OPCML: variants seen among roughly 807,000 people sequenced by gnomAD.
OPCML encodes the protein opioid-binding protein/cell adhesion molecule.
A neutral mutation model predicts 37.8 loss-of-function variants in OPCML; 13 were observed. That is an observed-to-expected ratio of 0.34 (90% CI 0.22 to 0.55). The LOEUF (loss-of-function observed/expected upper bound fraction) is 0.55, where lower values mean the gene tolerates loss of function less well. OPCML is among the 20% of genes least tolerant of loss of function. The pLI is 0.91. For missense variants in OPCML, 341 were observed against 435.6 expected (o/e 0.78, Z 1.93); for synonymous variants, 176 against 168.8 (o/e 1.04, Z -0.33).
At chr11:132,516,532 T>C (rs1278657735) in intron 4 of OPCML, among the ~76,000 whole-genome samples, 9 of 152,206 alleles carry the variant, frequency 5.9e-5, no homozygotes, top group Admixed American at 2.6e-4. Context: ...CTTCTGAATA[T>C]GTAAGCCCCA....
chr11:132,914,767 C>T (rs974661343), intron 2 of OPCML, among the ~76,000 whole-genome samples: 2 of 152,162 alleles, frequency 1.3e-5, no homozygotes, highest in African/African-American at 4.8e-5. Context: ...ATCCTCCAGG[C>T]AGTGTGAAAC....
chr11:133,140,763 CGAAGAAGAA>C (rs5795825), intron 1 of OPCML, among the ~76,000 whole-genome samples: 7 of 48,874 alleles, frequency 1.4e-4, no homozygotes, highest in African/African-American at 2.8e-4. Flanking sequence ...AAGAAGACGA[CGAAGAAGAA>C]GAAGAAGAAG....
chr11:133,490,917 C>A (rs11823416), intron 1 of OPCML, among the ~76,000 whole-genome samples: 30,621 of 152,142 alleles, frequency 0.2, 3,419 homozygotes, highest in Admixed American at 0.27. Flanking sequence ...AGAGTTTATT[C>A]TTTAACTGCC....
chr11:133,020,001 A>G (rs1308902184), intron 1 of OPCML, among the ~76,000 whole-genome samples: 1 of 152,226 alleles, frequency 6.6e-6, no homozygotes, highest in Non-Finnish European at 1.5e-5. Flanking sequence ...TCGAAGCAGC[A>G]CGGCTGTGTT....
chr11:132,985,994 A>G (rs78767085), intron 1 of OPCML, among the ~76,000 whole-genome samples: 2,912 of 152,304 alleles, frequency 0.019, 107 homozygotes, highest in African/African-American at 0.066. Flanking sequence ...TGTATCATAC[A>G]TCAGCCTGTT....
intron 1 of OPCML, among the ~76,000 whole-genome samples, chr11:133,279,077 T>TA (rs1372772309): frequency 1.3e-5 from 2 of 152,170 alleles, no homozygotes; most frequent in Admixed American, 1.3e-4. Context: ...ACCTTGCCAC[T>TA]AGTAGTCCAC....
chr11:132,991,776 G>A lies in OPCML; in HGVS notation c.62-48766C>T, dbSNP rs1038301046. Among the ~76,000 whole-genome samples the A allele has an allele frequency of 1.6e-4, 25 of 152,140 alleles. 1 individual carries two copies. The highest frequency in any genetic ancestry group is 1.6e-3 in the Admixed American group (25 of 15,272). On this transcript the variant is annotated intron_variant, in intron 1 of 7. Coordinates refer to ENST00000524381, the MANE Select transcript of OPCML (RefSeq NM_001012393.5). ...TGGGTGGGAAATGTGGCCACCCCAA[G>A]GTTGATTCCCGATCCCTGTTTTCCC...
intron 4 of OPCML, among the ~76,000 whole-genome samples, chr11:132,476,327 A>T (rs1483704547): frequency 6.6e-6 from 1 of 152,080 alleles, no homozygotes; most frequent in Non-Finnish European, 1.5e-5. Context: ...TGACCCAGCC[A>T]TCCCATTACT....
chr11:133,018,690 C>T (rs1015008990), intron 1 of OPCML, among the ~76,000 whole-genome samples: 5 of 152,208 alleles, frequency 3.3e-5, no homozygotes, highest in African/African-American at 1.2e-4. Context: ...TAAAGAGCTC[C>T]GACTGGGCTT....
chr11:133,370,245 G>T (rs1944642399), intron 1 of OPCML, among the ~76,000 whole-genome samples: 1 of 152,106 alleles, frequency 6.6e-6, no homozygotes, highest in Admixed American at 6.6e-5. Flanking sequence ...CTAGCACTAT[G>T]ATCTCAGGCA....
At chr11:132,710,626 G>A (rs749910188) in intron 2 of OPCML, among the ~76,000 whole-genome samples, 7 of 151,898 alleles carry the variant, frequency 4.6e-5, no homozygotes, top group Non-Finnish European at 7.4e-5. Context: ...GCCAAGGCAG[G>A]TGGATCATTT....
At chr11:132,723,734 C>T (rs1401475197) in intron 2 of OPCML, among the ~76,000 whole-genome samples, 2 of 152,204 alleles carry the variant, frequency 1.3e-5, no homozygotes, top group East Asian at 3.9e-4. Context: ...TTGTTAACTG[C>T]AGGCATGTGA....
rs1012278379 is a variant in OPCML, at chr11:133,245,904, G to A, written c.61+286360C>T. On this transcript the variant is annotated intron_variant, in intron 1 of 7. Coordinates refer to ENST00000524381, the MANE Select transcript of OPCML (RefSeq NM_001012393.5). Reference sequence around the variant, plus strand: ...ACACTGGATGTTCTCATTCATAAGTGGGAGTTGAACAATGAGAACACATGG... The same window carrying A: ...ACACTGGATGTTCTCATTCATAAGTAGGAGTTGAACAATGAGAACACATGG... Among the ~76,000 whole-genome samples the A allele has an allele frequency of 4.6e-5, 7 of 152,098 alleles. No individual in the cohort carries two copies. The East Asian group carries it at 5.8e-4, about 13-fold the overall frequency.
At chr11:133,239,503 C>A (rs1773196271) in intron 1 of OPCML, among the ~76,000 whole-genome samples, 1 of 152,214 alleles carries the variant, frequency 6.6e-6, no homozygotes, top group Admixed American at 6.5e-5. Flanking sequence ...CTCCCTGCAG[C>A]CAGGGCCTCA....
In OPCML at chr11:132,522,772, C is replaced by T. The variant is rs185648392; in HGVS notation, c.505+6289G>A. On this transcript the variant is annotated intron_variant, in intron 4 of 7. Coordinates refer to ENST00000524381, the MANE Select transcript of OPCML (RefSeq NM_001012393.5). The stretch of plus-strand genomic sequence containing the variant: ...ATAAGACTCTGAAGTCCATGTTCTG[C>T]CAATGGGCTAACACCACCATCCAAC... Among the ~76,000 whole-genome samples, 650 of 152,274 alleles carry T rather than the reference C, an allele frequency of 4.3e-3. 4 individuals are homozygous for T. Among genetic ancestry groups the T allele is most frequent in the Middle Eastern group, 6.8e-3 (2 of 294 alleles).
chr11:132,529,198 C>G lies in OPCML; in HGVS notation c.380-12G>C. The G allele has an allele frequency of 6.2e-7, 1 of 1,604,536 alleles. No individual in the cohort carries two copies. ...GATCTGAGGAGGAACTGTAAGGAAA[C>G]AGGATAGAAGAAATACCTGAGAATA... On this transcript the variant is annotated splice_polypyrimidine_tract_variant and intron_variant, in intron 3 of 7. Transcript: ENST00000524381.
intron 3 of OPCML, among the ~76,000 whole-genome samples, chr11:132,582,143 T>A (rs2096463372): frequency 1.4e-5 from 2 of 143,160 alleles, no homozygotes; most frequent in South Asian, 4.5e-4. Context: ...TGTGTGTGTG[T>A]GTGTGTGAAA....
chr11:133,220,505 G>A (rs1026806479), intron 1 of OPCML, among the ~76,000 whole-genome samples: 1 of 152,162 alleles, frequency 6.6e-6, no homozygotes, highest in Non-Finnish European at 1.5e-5. Context: ...GTCCTGGGGA[G>A]TCAGAGGTCA....
intron 1 of OPCML, among the ~76,000 whole-genome samples, chr11:133,398,499 G>A (rs1385052379): frequency 2.0e-5 from 3 of 152,048 alleles, no homozygotes; most frequent in Non-Finnish European, 4.4e-5. Context: ...AATGAGATGC[G>A]TCTTCTCTGT....
Sources: gnomAD v4.1 joint callset for allele counts (sites outside exome capture counted in the v4.1 genomes callset) on GRCh38, gnomAD v4.1.1 for gene constraint, MANE v1.5 for transcripts, NCBI Gene and HGNC (gene_info 2026-07-23, HGNC 2026-07-21) for gene names.